TANK: variants seen among roughly 807,000 people sequenced by gnomAD.
TANK encodes the protein TRAF family member associated NFKB activator.
In TANK, 15 loss-of-function variants were observed where a neutral mutation model predicts 43.6. The observed-to-expected ratio is 0.34, with a 90% CI of 0.23 to 0.53. The LOEUF (loss-of-function observed/expected upper bound fraction) is 0.53, where lower values mean the gene tolerates loss of function less well. Ranked by LOEUF, TANK falls within the 20% of genes least tolerant of loss-of-function variation. The pLI, the probability that TANK is intolerant of heterozygous loss-of-function variation, is 0.94. For synonymous variants in TANK, 162 were observed against 178.2 expected, an observed-to-expected ratio of 0.91 and a Z score of 0.73; for missense variants, 417 against 498.6, an observed-to-expected ratio of 0.84 and a Z score of 1.56.
chr2:161,208,667 G>T (rs954468687), intron 4 of TANK, among the ~76,000 whole-genome samples: 1 of 151,412 alleles, frequency 6.6e-6, no homozygotes, highest in African/African-American at 2.4e-5. Flanking sequence ...TCATCCGAAG[G>T]CTTAACTGGT....
chr2:161,142,986 CT>C (rs534094194), intron 1 of TANK, among the ~76,000 whole-genome samples: 4 of 152,052 alleles, frequency 2.6e-5, no homozygotes, highest in Non-Finnish European at 4.4e-5. Flanking sequence ...TGTTTGGATC[CT>C]CTCTTATTTC....
intron 1 of TANK, among the ~76,000 whole-genome samples, chr2:161,143,244 A>C (rs759023378): frequency 6.6e-6 from 1 of 152,040 alleles, no homozygotes; most frequent in Non-Finnish European, 1.5e-5. Context: ...GGGTTTTCTA[A>C]ATATAGACTC....
intron 1 of TANK, among the ~76,000 whole-genome samples, chr2:161,145,499 T>C (rs900549495): frequency 2.0e-5 from 3 of 151,918 alleles, no homozygotes; most frequent in African/African-American, 7.3e-5. Context: ...TAGTTAGTGC[T>C]TCCTTCAGGA....
intron 2 of TANK, among the ~76,000 whole-genome samples, chr2:161,184,539 C>T (rs2105306572): frequency 6.6e-6 from 1 of 152,196 alleles, no homozygotes; most frequent in East Asian, 1.9e-4. Context: ...GAATGGCAGT[C>T]ATTTCAAGCA....
intron 2 of TANK, among the ~76,000 whole-genome samples, chr2:161,183,360 T>G (rs1214037256): frequency 6.6e-6 from 1 of 151,742 alleles, no homozygotes; most frequent in African/African-American, 2.4e-5. Context: ...TTGAATTTAT[T>G]TTTTTTTTCA....
At chr2:161,160,524 C>T (rs900070476) in intron 1 of TANK, 38 bp downstream of exon 1, 17 of 1,282,668 alleles carry the variant, frequency 1.3e-5, no homozygotes, top group Non-Finnish European at 1.6e-5. Flanking sequence ...TGTCCGAATC[C>T]GTCAAGCACG....
At chr2:161,217,585 TTGTGTGTGTG>T (rs375688309) in intron 4 of TANK, among the ~76,000 whole-genome samples, 58 of 136,640 alleles carry the variant, frequency 4.2e-4, no homozygotes, top group Admixed American at 1.9e-3. Flanking sequence ...GGTAGTTGGT[TTGTGTGTGTG>T]TGTGTGTGTG....
chr2:161,145,151 T>C (rs1174935768), intron 1 of TANK, among the ~76,000 whole-genome samples: 1 of 138,662 alleles, frequency 7.2e-6, no homozygotes, highest in East Asian at 2.1e-4. Context: ...TTTTTTTTTT[T>C]TTTTTTTTTG....
At chr2:161,206,085 CTG>C (rs373566302) in intron 4 of TANK, among the ~76,000 whole-genome samples, 159 of 151,976 alleles carry the variant, frequency 1.0e-3, no homozygotes, top group African/African-American at 3.4e-3. Context: ...AGAAAAGAGA[CTG>C]TGATATCTGA....
At chr2:161,154,448 G>A (rs1257954303) in intron 1 of TANK, among the ~76,000 whole-genome samples, 3 of 152,184 alleles carry the variant, frequency 2.0e-5, no homozygotes, top group Non-Finnish European at 4.4e-5. Flanking sequence ...ATAGTTGTAG[G>A]TGGTAAAGAA....
intron 2 of TANK, among the ~76,000 whole-genome samples, chr2:161,180,717 C>T (rs1368491606): frequency 6.6e-6 from 1 of 152,076 alleles, no homozygotes; most frequent in South Asian, 2.1e-4. Flanking sequence ...GGATCATACT[C>T]ATAGTTAAGA....
At chr2:161,189,928 T>G (rs1411347635) in intron 2 of TANK, among the ~76,000 whole-genome samples, 1 of 152,152 alleles carries the variant, frequency 6.6e-6, no homozygotes, top group Non-Finnish European at 1.5e-5. Flanking sequence ...GATTTGGCAG[T>G]GACTTTTTGC....
intron 1 of TANK, among the ~76,000 whole-genome samples, chr2:161,144,440 T>G (rs994338896): frequency 1.4e-4 from 22 of 152,226 alleles, no homozygotes; most frequent in Non-Finnish European, 2.4e-4. Context: ...TGTGGGCATT[T>G]AGTGCTATAA....
chr2:161,232,764 C>G, intron 7 of TANK: 1 of 1,550,268 alleles, frequency 6.5e-7, no homozygotes, highest in East Asian at 2.4e-5. Context: ...AGATGGCACC[C>G]TGCATTGTAC....
chr2:161,206,021 G>A (rs1686637688), intron 4 of TANK, among the ~76,000 whole-genome samples: 1 of 152,126 alleles, frequency 6.6e-6, no homozygotes, highest in Admixed American at 6.5e-5. Flanking sequence ...ATAAAAACCT[G>A]TACAGGAAGG....
intron 1 of TANK, among the ~76,000 whole-genome samples, chr2:161,162,104 C>T (rs1439977948): frequency 6.6e-6 from 1 of 152,096 alleles, no homozygotes; most frequent in African/African-American, 2.4e-5. Flanking sequence ...ATTTCTCTCC[C>T]AACTGACTAG....
chr2:161,160,747 C>T, intron 1 of TANK: 1 of 563,026 alleles, frequency 1.8e-6, no homozygotes, highest in Non-Finnish European at 3.5e-6. Context: ...GGCCTCTGCC[C>T]CAACGGCTTC....
chr2:161,191,257 T>C (rs1685902379), intron 2 of TANK, among the ~76,000 whole-genome samples: 1 of 152,200 alleles, frequency 6.6e-6, no homozygotes, highest in Admixed American at 6.5e-5. Flanking sequence ...TATTATTGGC[T>C]TAAATTACGA....
chr2:161,183,213 G>C (rs1050807560), intron 2 of TANK, among the ~76,000 whole-genome samples: 1 of 151,978 alleles, frequency 6.6e-6, no homozygotes, highest in Non-Finnish European at 1.5e-5. Context: ...GTCTCCTCTT[G>C]GTTTACAAAA....
Sources: allele counts gnomAD v4.1 joint callset (sites outside exome capture counted in the v4.1 genomes callset), GRCh38; gene constraint gnomAD v4.1.1; transcripts MANE v1.5; gene names NCBI Gene and HGNC (gene_info 2026-07-23, HGNC 2026-07-21).